Variants in PTPRO observed in about 807,000 individuals in gnomAD.
PTPRO encodes receptor-type tyrosine-protein phosphatase O.
Under a neutral mutation model 145.2 loss-of-function variants are expected in PTPRO, and 62 were observed. That is an observed-to-expected ratio of 0.43 (90% CI 0.35 to 0.53). The LOEUF is 0.53. Among genes scored for constraint, PTPRO ranks in the 20% least tolerant of loss-of-function variants. PTPRO has a pLI of 0.01. For missense variants in PTPRO, 1,345 were observed against 1,482.7 expected (o/e 0.91, Z 1.53); for synonymous variants, 565 against 514.7 (o/e 1.10, Z -1.32).
In PTPRO at chr12:15,442,541, A is replaced by G. The variant is rs116314066; in HGVS notation, c.76-41433A>G. Among the ~76,000 whole-genome samples, 523 of 152,258 alleles carry G rather than the reference A, an allele frequency of 3.4e-3. 3 individuals are homozygous for G. Among genetic ancestry groups the G allele is most frequent in the African/African-American group, 0.012 (503 of 41,552 alleles). ...AAATAAAAGGCAACCAAATAGGAAA[A>G]GAAGTCAAACTATCTCTCTTCATGG... is the stretch of plus-strand genomic sequence containing the variant. On this transcript the variant is annotated intron_variant, in intron 1 of 26. Transcript: ENST00000281171.
intron 1 of PTPRO, among the ~76,000 whole-genome samples, chr12:15,400,258 T>G (rs1173705665): frequency 2.6e-5 from 4 of 151,832 alleles, no homozygotes. Flanking sequence ...CCCAACGTGC[T>G]GAGATTACAG....
chr12:15,459,461 G>T (rs927334152), intron 1 of PTPRO, among the ~76,000 whole-genome samples: 1 of 152,202 alleles, frequency 6.6e-6, no homozygotes. Flanking sequence ...TGGGAACTGG[G>T]GGTTTCCTCC....
chr12:15,542,944 G>A (rs973745976), intron 12 of PTPRO, among the ~76,000 whole-genome samples: 1 of 152,122 alleles, frequency 6.6e-6, no homozygotes, highest in African/African-American at 2.4e-5. Flanking sequence ...TTGTTGTCTT[G>A]AGTAGGAAAA....
chr12:15,353,531 A>G (rs1465864660), intron 1 of PTPRO, among the ~76,000 whole-genome samples: 1 of 152,214 alleles, frequency 6.6e-6, no homozygotes, highest in East Asian at 1.9e-4. Context: ...TTGGATGTCT[A>G]ACGAATTCCC....
At chr12:15,367,270 G>A (rs906967418) in intron 1 of PTPRO, among the ~76,000 whole-genome samples, 8 of 152,036 alleles carry the variant, frequency 5.3e-5, no homozygotes, top group African/African-American at 1.9e-4. Flanking sequence ...ACTACAAAAA[G>A]GTACAAACAA....
At chr12:15,405,997 G>C (rs1307039942) in intron 1 of PTPRO, among the ~76,000 whole-genome samples, 1 of 152,052 alleles carries the variant, frequency 6.6e-6, no homozygotes, top group Non-Finnish European at 1.5e-5. Context: ...TTTTGATTAA[G>C]TTATTAAAGT....
At chr12:15,414,017 A>G (rs775391162) in intron 1 of PTPRO, among the ~76,000 whole-genome samples, 2 of 152,226 alleles carry the variant, frequency 1.3e-5, no homozygotes, top group Non-Finnish European at 2.9e-5. Context: ...AGTACAAATC[A>G]TAAATTGCGA....
chr12:15,492,187 G>A (rs1002016156), intron 2 of PTPRO, among the ~76,000 whole-genome samples: 3 of 152,020 alleles, frequency 2.0e-5, no homozygotes, highest in East Asian at 1.9e-4. Flanking sequence ...TAAAAGCAAG[G>A]CATAATAAGA....
chr12:15,408,036 TATC>T (rs1315524324), intron 1 of PTPRO, among the ~76,000 whole-genome samples: 1 of 152,196 alleles, frequency 6.6e-6, no homozygotes, highest in Non-Finnish European at 1.5e-5. Context: ...TCTCTTCTGT[TATC>T]ATCCAATTCA....
intron 1 of PTPRO, among the ~76,000 whole-genome samples, chr12:15,362,278 C>T (rs1348302763): frequency 1.3e-5 from 2 of 152,150 alleles, no homozygotes; most frequent in Admixed American, 1.3e-4. Flanking sequence ...GAAGGCAATG[C>T]AATTGAAGTG....
chr12:15,518,945 C>G (rs1942654868), intron 9 of PTPRO, among the ~76,000 whole-genome samples: 1 of 152,156 alleles, frequency 6.6e-6, no homozygotes, highest in African/African-American at 2.4e-5. Context: ...TGCCTGTTAC[C>G]CAGTTCCAAA....
chr12:15,475,128 T>A (rs557615555), intron 1 of PTPRO, among the ~76,000 whole-genome samples: 75 of 152,360 alleles, frequency 4.9e-4, no homozygotes, highest in Middle Eastern at 3.4e-3. Context: ...ACATTAGACA[T>A]GTATTTCTTA....
Position 15,549,090 on chromosome 12 carries a change from C to T in PTPRO, c.2305-4C>T, listed in dbSNP as rs1184646987. Reference sequence around the variant, plus strand: ...AAAATTTACCTTATTTTCTGAAACCCCAGGAACCAGTTGCTGTTTCTTCCC... The same window carrying T: ...AAAATTTACCTTATTTTCTGAAACCTCAGGAACCAGTTGCTGTTTCTTCCC... On this transcript the variant is annotated splice_region_variant and splice_polypyrimidine_tract_variant and intron_variant, in intron 13 of 26. Transcript: ENST00000281171. The T allele has an allele frequency of 1.9e-6, 3 of 1,613,012 alleles. No individual in the cohort carries two copies. In the South Asian group the frequency reaches 3.3e-5, roughly 18 times the overall value.
intron 1 of PTPRO, among the ~76,000 whole-genome samples, chr12:15,357,523 T>A (rs1938034056): frequency 6.6e-6 from 1 of 152,000 alleles, no homozygotes; most frequent in African/African-American, 2.4e-5. Context: ...TACAATGAAC[T>A]CAAACAAATT....
At chr12:15,415,603 T>A (rs369269342) in intron 1 of PTPRO, among the ~76,000 whole-genome samples, 1 of 151,626 alleles carries the variant, frequency 6.6e-6, no homozygotes, top group Non-Finnish European at 1.5e-5. Context: ...GCCAGGATGG[T>A]CTCGATCTCC....
chr12:15,542,514 C>G (rs1726141903), intron 12 of PTPRO, among the ~76,000 whole-genome samples: 1 of 152,156 alleles, frequency 6.6e-6, no homozygotes, highest in African/African-American at 2.4e-5. Context: ...TGGGAACCCC[C>G]TAGCCAGTTT....
intron 12 of PTPRO, among the ~76,000 whole-genome samples, chr12:15,529,564 G>T (rs1037678561): frequency 6.6e-6 from 1 of 152,010 alleles, no homozygotes; most frequent in Non-Finnish European, 1.5e-5. Context: ...GATCACTTTA[G>T]CCCAGGAGAT....
intron 1 of PTPRO, among the ~76,000 whole-genome samples, chr12:15,406,908 T>C (rs549187187): frequency 5.3e-5 from 8 of 152,312 alleles, no homozygotes; most frequent in African/African-American, 1.7e-4. Context: ...TCTTTCCAGA[T>C]TGGTTTATCT....
At position 15,549,116 on chromosome 12, in the gene PTPRO, A is replaced by G; in HGVS notation, c.2327A>G (p.His776Arg). The G allele has an allele frequency of 6.2e-7, 1 of 1,613,576 alleles. No individual in the cohort carries two copies. ...KLQEPVAVSS[H>R]VVTISSLLPA... Reference sequence around the variant, plus strand: ...CAGGAACCAGTTGCTGTTTCTTCCCATGTCGTGACCATCTCCAGCCTTCTT... The same window carrying G: ...CAGGAACCAGTTGCTGTTTCTTCCCGTGTCGTGACCATCTCCAGCCTTCTT... Residue 776 changes from histidine (H) to arginine (R), a missense_variant, in exon 14 of 27, where the codon CAT becomes CGT. His to Arg is a conservative substitution (Grantham distance 29, BLOSUM62 0). Around this residue, in one of 3 missense-constraint regions of PTPRO, gnomAD observed 1,130 missense variants for 1,214.7 expected, o/e 0.93. Transcript: ENST00000281171.
Sources: gnomAD v4.1 joint callset for allele counts (sites outside exome capture counted in the v4.1 genomes callset) on GRCh38, gnomAD v4.1.1 for gene constraint, gnomAD v4.1.1 regional missense constraint, MANE v1.5 for transcripts, NCBI Gene and HGNC (gene_info 2026-07-23, HGNC 2026-07-21) for gene names.